Variants in TRIQK observed in about 807,000 individuals in gnomAD.
The protein encoded by TRIQK is triple QxxK/R motif containing.
A neutral mutation model predicts 10.8 loss-of-function variants in TRIQK; 10 were observed. The observed-to-expected ratio is 0.92, with a 90% CI of 0.57 to 1.57. TRIQK has a LOEUF of 1.57. TRIQK is among the 40% of genes most tolerant of loss of function. The pLI is 0.00. For missense variants in TRIQK, 107 were observed against 97.7 expected (o/e 1.09, Z -0.40); for synonymous variants, 33 against 33.7 (o/e 0.98, Z 0.07).
intron 1 of TRIQK, among the ~76,000 whole-genome samples, chr8:93,014,876 G>T (rs573218442): frequency 6.6e-6 from 1 of 151,998 alleles, no homozygotes; most frequent in South Asian, 2.1e-4. Context: ...CATTTCCCAG[G>T]GGAATCTAGA....
chr8:92,908,701 T>A (rs1208712619), intron 3 of TRIQK, among the ~76,000 whole-genome samples: 1 of 152,070 alleles, frequency 6.6e-6, no homozygotes, highest in Non-Finnish European at 1.5e-5. Context: ...TCCATTTATA[T>A]AGACCACACC....
intron 2 of TRIQK, among the ~76,000 whole-genome samples, chr8:92,920,583 T>G (rs527534048): frequency 1.3e-4 from 20 of 151,386 alleles, no homozygotes; most frequent in Non-Finnish European, 2.7e-4. Flanking sequence ...GGGTTTTCAC[T>G]GTCTCACCTG....
intron 1 of TRIQK, among the ~76,000 whole-genome samples, chr8:92,957,357 T>C (rs1812225525): frequency 6.6e-6 from 1 of 151,746 alleles, no homozygotes; most frequent in South Asian, 2.1e-4. Context: ...CAGATACACA[T>C]ATATACACAT....
At chr8:92,950,033 T>C (rs1811813105) in intron 2 of TRIQK, among the ~76,000 whole-genome samples, 1 of 152,284 alleles carries the variant, frequency 6.6e-6, no homozygotes, top group African/African-American at 2.4e-5. Context: ...CGATGTACAA[T>C]ATCTGGTATT....
chr8:92,996,648 G>C (rs1437480587), intron 1 of TRIQK, among the ~76,000 whole-genome samples: 1 of 151,746 alleles, frequency 6.6e-6, no homozygotes, highest in Non-Finnish European at 1.5e-5. Flanking sequence ...TATTAATATT[G>C]AATGGTTATG....
chr8:92,942,470 A>G lies in TRIQK; in HGVS notation c.-22+11936T>C, dbSNP rs1333205712. 3.3e-5 allele frequency among the ~76,000 whole-genome samples: 5 copies of G among 152,162 alleles called. No homozygotes were observed. The East Asian group carries it at 5.8e-4, about 18-fold the overall frequency. On this transcript the variant is annotated intron_variant, in intron 2 of 4. Transcript: ENST00000521988. The stretch of plus-strand genomic sequence containing the variant: ...GTGGAAAAGTTGAAAGCTTTCCTCT[A>G]AGATCTGGAGCAAGACAAGGATGCT...
chr8:92,941,697 A>G (rs1280170064), intron 2 of TRIQK, among the ~76,000 whole-genome samples: 2 of 152,198 alleles, frequency 1.3e-5, no homozygotes. Context: ...TAGCCAAACT[A>G]CATTTTTAAA....
At chr8:92,955,345 T>A (rs1049714154) in intron 1 of TRIQK, among the ~76,000 whole-genome samples, 1 of 151,778 alleles carries the variant, frequency 6.6e-6, no homozygotes, top group African/African-American at 2.4e-5. Flanking sequence ...AGTAATAATA[T>A]GAAAGAATAA....
chr8:92,916,945 C>A lies in TRIQK; in HGVS notation c.45G>T (p.Gln15His). 6.7e-7 allele frequency: 1 copy of A among 1,501,058 alleles called. No individual in the cohort carries two copies. The highest frequency in any genetic ancestry group is 8.8e-7 in the Non-Finnish European group (1 of 1,130,758). 93.0% of individuals were successfully genotyped at this position (1,501,058 alleles called of 1,614,324 possible). The change falls in exon 3 of 5, where the codon CAG becomes CAT. Residue 15 changes from glutamine to histidine, a missense_variant. Gln to His is a conservative substitution (Grantham distance 24). Coordinates refer to ENST00000521988, the MANE Select transcript of TRIQK (RefSeq NM_001171797.2). ...DAATIKLPVD[Q>H]YRKQIGKQDY... ...ATTGCTTACCAATTTGTTTTCTGTACTGATCAACAGGAAGTTTTATAGTAG... is the reference window on the plus strand; with the variant it reads ...ATTGCTTACCAATTTGTTTTCTGTAATGATCAACAGGAAGTTTTATAGTAG...
intron 1 of TRIQK, among the ~76,000 whole-genome samples, chr8:92,959,406 T>C (rs1457416542): frequency 7.2e-5 from 11 of 151,948 alleles, no homozygotes; most frequent in Admixed American, 7.2e-4. Context: ...ATGTTTTATA[T>C]TAGCAGTCAA....
chr8:92,919,193 C>A (rs1317105309), intron 2 of TRIQK, among the ~76,000 whole-genome samples: 3 of 151,690 alleles, frequency 2.0e-5, no homozygotes, highest in African/African-American at 7.3e-5. Context: ...AGAACTGCTT[C>A]AGCTATTGGG....
At chr8:92,911,752 C>T (rs1809579102) in intron 3 of TRIQK, among the ~76,000 whole-genome samples, 1 of 150,214 alleles carries the variant, frequency 6.7e-6, no homozygotes, top group Non-Finnish European at 1.5e-5. Flanking sequence ...TAAAAATACA[C>T]ATATATGCAT....
At chr8:92,919,301 A>T (rs1484357375) in intron 2 of TRIQK, among the ~76,000 whole-genome samples, 1 of 151,908 alleles carries the variant, frequency 6.6e-6, no homozygotes, top group Non-Finnish European at 1.5e-5. Flanking sequence ...AAATCAGTAG[A>T]TCACTTTGGG....
chr8:92,966,980 CAAAAAAAAAAAA>C (rs10655820), upstream of TRIQK, among the ~76,000 whole-genome samples: 3 of 68,860 alleles, frequency 4.4e-5, no homozygotes, highest in East Asian at 4.4e-4. Context: ...AAGTAGCATA[CAAAAAAAAAAAA>C]AAAAAAAAAA....
intron 2 of TRIQK, among the ~76,000 whole-genome samples, chr8:92,920,519 T>C (rs1810120338): frequency 6.7e-6 from 1 of 149,536 alleles, no homozygotes; most frequent in African/African-American, 2.5e-5. Flanking sequence ...TGAAAACTTA[T>C]CAGCTTAAAA....
chr8:92,886,651 C>A lies in TRIQK; in HGVS notation c.232G>T (p.Asp78Tyr). 6.5e-7 allele frequency: 1 copy of A among 1,529,128 alleles called. No homozygotes were observed. Among genetic ancestry groups the A allele is most frequent in the South Asian group, 1.2e-5 (1 of 83,308 alleles). 94.7% of individuals were successfully genotyped at this position (1,529,128 alleles called of 1,614,324 possible). Residue 78 changes from aspartate (D) to tyrosine (Y), a missense_variant, in exon 5 of 5, where the codon GAC (aspartate) becomes TAC (tyrosine). Coordinates refer to ENST00000521988, the MANE Select transcript of TRIQK (RefSeq NM_001171797.2). ...FFYLRLTTDV[D>Y]PDLDQDED Reference sequence around the variant, plus strand: ...TCTTCATCTTGGTCCAGATCAGGGTCAACATCCGTGGTGAGTCTGAGATAA... The same window carrying A: ...TCTTCATCTTGGTCCAGATCAGGGTAAACATCCGTGGTGAGTCTGAGATAA...
chr8:92,928,808 T>C (rs1810572301), intron 2 of TRIQK, among the ~76,000 whole-genome samples: 1 of 152,162 alleles, frequency 6.6e-6, no homozygotes, highest in Non-Finnish European at 1.5e-5. Flanking sequence ...CCTGAAACTT[T>C]AGACTTTTTC....
At chr8:92,899,535 A>G (rs1019260420) in intron 3 of TRIQK, among the ~76,000 whole-genome samples, 1 of 152,140 alleles carries the variant, frequency 6.6e-6, no homozygotes, top group South Asian at 2.1e-4. Context: ...ATTTCACTTG[A>G]CATAATGACC....
At chr8:92,997,117 T>C (rs2130754063) in intron 1 of TRIQK, among the ~76,000 whole-genome samples, 1 of 152,122 alleles carries the variant, frequency 6.6e-6, no homozygotes, top group Admixed American at 6.5e-5. Flanking sequence ...CAGTAGAATA[T>C]GTTACAAATA....
Sources: allele counts gnomAD v4.1 joint callset (sites outside exome capture counted in the v4.1 genomes callset), GRCh38; gene constraint gnomAD v4.1.1; transcripts MANE v1.5; gene names NCBI Gene and HGNC (gene_info 2026-07-23, HGNC 2026-07-21).